THSD7B: variants seen among roughly 807,000 people sequenced by gnomAD.
THSD7B encodes thrombospondin type-1 domain-containing protein 7B.
A neutral mutation model predicts 213.6 loss-of-function variants in THSD7B; 138 were observed. The ratio of observed to expected loss-of-function variants is 0.65; its 90% confidence interval spans 0.56 to 0.74. THSD7B has a LOEUF of 0.74. Ranked by LOEUF, THSD7B falls within the 30% of genes least tolerant of loss-of-function variation. The pLI, the probability that THSD7B is intolerant of heterozygous loss-of-function variation, is 0.00. For missense variants in THSD7B, 1,931 were observed against 1,991.5 expected (o/e 0.97, Z 0.58); for synonymous variants, 742 against 687.0 (o/e 1.08, Z -1.25).
intron 15 of THSD7B, among the ~76,000 whole-genome samples, chr2:137,519,876 G>T (rs1311535105): frequency 6.6e-6 from 1 of 152,112 alleles, no homozygotes; most frequent in African/African-American, 2.4e-5. Flanking sequence ...GATCACTGGG[G>T]CTTTAAAAGG....
chr2:137,052,874 T>C (rs1687095037), intron 2 of THSD7B, among the ~76,000 whole-genome samples: 1 of 152,206 alleles, frequency 6.6e-6, no homozygotes, highest in Non-Finnish European at 1.5e-5. Context: ...CTGAAAGGTC[T>C]TGTCTTCATC....
chr2:137,309,767 G>C (rs999128026), intron 12 of THSD7B, among the ~76,000 whole-genome samples: 1 of 151,802 alleles, frequency 6.6e-6, no homozygotes, highest in African/African-American at 2.4e-5. Flanking sequence ...TTGGTTTTTT[G>C]TTCTTGGCGA....
intron 10 of THSD7B, among the ~76,000 whole-genome samples, chr2:137,249,620 C>T (rs906393637): frequency 1.3e-5 from 2 of 152,070 alleles, no homozygotes; most frequent in African/African-American, 4.8e-5. Flanking sequence ...CCTACAGTGG[C>T]CCCAGGAGGT....
At chr2:137,258,632 T>C (rs943239209) in intron 10 of THSD7B, among the ~76,000 whole-genome samples, 13 of 150,800 alleles carry the variant, frequency 8.6e-5, no homozygotes, top group African/African-American at 3.2e-4. Flanking sequence ...CAGGCACACA[T>C]GGAAAGATAC....
intron 10 of THSD7B, among the ~76,000 whole-genome samples, chr2:137,245,347 A>G (rs938343174): frequency 6.6e-6 from 1 of 152,194 alleles, no homozygotes; most frequent in Non-Finnish European, 1.5e-5. Context: ...TAAAGAAAGC[A>G]CTTAGACCAC....
At chr2:136,994,439 C>T (rs1445864640) in intron 2 of THSD7B, among the ~76,000 whole-genome samples, 5 of 152,028 alleles carry the variant, frequency 3.3e-5, no homozygotes, top group Admixed American at 1.3e-4. Context: ...TGGTGGCGGG[C>T]GCCTTTAGTC....
intron 2 of THSD7B, among the ~76,000 whole-genome samples, chr2:136,948,513 T>G (rs10153671): frequency 0.074 from 11,205 of 152,022 alleles, 666 homozygotes; most frequent in African/African-American, 0.16. Context: ...TAAAAATTTG[T>G]AGAAAATGCC....
At chr2:137,583,510 T>G (rs1009437851) in intron 17 of THSD7B, among the ~76,000 whole-genome samples, 9 of 152,214 alleles carry the variant, frequency 5.9e-5, no homozygotes, top group African/African-American at 9.6e-5. Context: ...TGAATTAATT[T>G]TTGTATAAGG....
rs1361686482 is a variant in THSD7B at position 137,399,997 on chromosome 2, A to G, written c.2501-5616A>G. Among the ~76,000 whole-genome samples the G allele has an allele frequency of 5.3e-5, 8 of 152,214 alleles. No individual in the cohort carries two copies. The East Asian group carries it at 1.5e-3, about 29-fold the overall frequency. ...AATCTACTATTAACATTTTTAATGT[A>G]TTTTGAAATTTCTTCAGTGAACTTT... On this transcript the variant is annotated intron_variant, in intron 12 of 27. Coordinates refer to ENST00000409968, the MANE Select transcript of THSD7B (RefSeq NM_001316349.2).
intron 2 of THSD7B, among the ~76,000 whole-genome samples, chr2:136,939,922 A>T (rs529652218): frequency 2.7e-5 from 4 of 148,956 alleles, no homozygotes; most frequent in African/African-American, 1.0e-4. Flanking sequence ...TGAAGTACCA[A>T]GTGGTGACAC....
intron 2 of THSD7B, among the ~76,000 whole-genome samples, chr2:136,910,280 T>C (rs945484475): frequency 1.3e-5 from 2 of 152,026 alleles, no homozygotes; most frequent in Non-Finnish European, 2.9e-5. Context: ...GAGGAAGGGC[T>C]AAGAAACAAA....
chr2:137,652,245 G>A (rs1274228575), intron 21 of THSD7B, among the ~76,000 whole-genome samples: 1 of 151,804 alleles, frequency 6.6e-6, no homozygotes, highest in Non-Finnish European at 1.5e-5. Context: ...GTCCAGTGTT[G>A]GGTCTATCAA....
At chr2:137,508,636 G>C (rs1390451891) in intron 15 of THSD7B, among the ~76,000 whole-genome samples, 1 of 150,394 alleles carries the variant, frequency 6.6e-6, no homozygotes, top group African/African-American at 2.4e-5. Flanking sequence ...TGATCTGCCC[G>C]CCTCGGCCTT....
At chr2:136,910,621 G>A (rs190892557) in intron 2 of THSD7B, among the ~76,000 whole-genome samples, 3 of 152,116 alleles carry the variant, frequency 2.0e-5, no homozygotes, top group African/African-American at 2.4e-5. Context: ...TTTTTAGTAC[G>A]TGGAGAAGAA....
intron 15 of THSD7B, among the ~76,000 whole-genome samples, chr2:137,539,744 G>C (rs900656657): frequency 6.6e-6 from 1 of 151,504 alleles, no homozygotes; most frequent in Non-Finnish European, 1.5e-5. Flanking sequence ...TGCTAATAAG[G>C]CTGTATACCA....
chr2:137,396,106 A>G (rs918257673), intron 12 of THSD7B, among the ~76,000 whole-genome samples: 2,014 of 148,702 alleles, frequency 0.014, 38 homozygotes, highest in African/African-American at 0.047. Flanking sequence ...GATCCTTTCA[A>G]AAAACCAGCT....
At chr2:137,556,874 A>G (rs1197326881) in intron 15 of THSD7B, among the ~76,000 whole-genome samples, 1 of 152,178 alleles carries the variant, frequency 6.6e-6, no homozygotes, top group African/African-American at 2.4e-5. Flanking sequence ...AAAACAAAAA[A>G]AGGCAGGGGT....
chr2:137,268,094 G>C (rs1446108536), intron 10 of THSD7B, among the ~76,000 whole-genome samples: 2 of 152,116 alleles, frequency 1.3e-5, no homozygotes, highest in African/African-American at 4.8e-5. Flanking sequence ...TTCAAAATGA[G>C]GTGAAATTTT....
At chr2:137,312,410 C>T (rs36168300) in intron 12 of THSD7B, among the ~76,000 whole-genome samples, 2 of 140,544 alleles carry the variant, frequency 1.4e-5, no homozygotes, top group East Asian at 2.0e-4. Context: ...TTTCTTTATT[C>T]GTCTTGCTAG....
Sources: gnomAD v4.1 joint callset for allele counts (sites outside exome capture counted in the v4.1 genomes callset) on GRCh38, gnomAD v4.1.1 for gene constraint, MANE v1.5 for transcripts, NCBI Gene and HGNC (gene_info 2026-07-23, HGNC 2026-07-21) for gene names.